The following TRMT11 variants were observed in gnomAD, a reference collection of about 807,000 sequenced individuals.
TRMT11 encodes tRNA (guanine(10)-N(2))-methyltransferase TRMT11.
TRMT11 carries 53 observed loss-of-function variants against 62.8 expected under a neutral mutation model. That is an observed-to-expected ratio of 0.84 (90% CI 0.68 to 1.06). The LOEUF is 1.06. TRMT11 is among the 50% of genes least tolerant of loss of function. The probability of loss-of-function intolerance (pLI) is 0.00; values close to 1 mark genes in which losing one functional copy is unlikely to be tolerated. For synonymous variants in TRMT11, 188 were observed against 190.3 expected (o/e 0.99, Z 0.10); for missense variants, 556 against 553.4 (o/e 1.00, Z -0.05).
intron 21 of TRMT11, among the ~76,000 whole-genome samples, chr6:126,137,079 G>T (rs1777859434): frequency 6.6e-6 from 1 of 151,630 alleles, no homozygotes; most frequent in South Asian, 2.1e-4. Context: ...ACTTAGCAAA[G>T]ATTTTTTTGG....
At chr6:126,102,424 C>G (rs541271406) in intron 17 of TRMT11, among the ~76,000 whole-genome samples, 2 of 151,978 alleles carry the variant, frequency 1.3e-5, no homozygotes, top group Admixed American at 6.5e-5. Context: ...CAGCCTCCTG[C>G]GATGCTGGCC....
chr6:126,254,001 A>C, the TRMT11 span, among the ~76,000 whole-genome samples: 1 of 152,182 alleles, frequency 6.6e-6, no homozygotes, highest in Admixed American at 6.5e-5. Context: ...AAACAGTCTT[A>C]TTACTTTCTA....
chr6:126,263,389 A>G, the TRMT11 span, among the ~76,000 whole-genome samples: 2 of 152,188 alleles, frequency 1.3e-5, no homozygotes, highest in African/African-American at 4.8e-5. Context: ...ATATAAATAT[A>G]TCACTAAACT....
chr6:126,033,083 C>A (rs541647380), intron 12 of TRMT11, among the ~76,000 whole-genome samples: 16 of 152,088 alleles, frequency 1.1e-4, no homozygotes, highest in Non-Finnish European at 2.2e-4. Context: ...AATTATAACA[C>A]CTTCCCTTTA....
intron 17 of TRMT11, among the ~76,000 whole-genome samples, chr6:126,093,681 G>C (rs1364220695): frequency 7.3e-6 from 1 of 137,198 alleles, no homozygotes; most frequent in East Asian, 2.1e-4. Flanking sequence ...TTGCTCAAGA[G>C]CTTAGAAATA....
intron 1 of TRMT11, among the ~76,000 whole-genome samples, chr6:126,182,383 C>T (rs1313604391): frequency 6.6e-6 from 1 of 151,920 alleles, no homozygotes; most frequent in Non-Finnish European, 1.5e-5. Context: ...TTTTTTCCCA[C>T]TTCTTGGTGG....
the TRMT11 span, among the ~76,000 whole-genome samples, chr6:126,245,741 A>G: frequency 1.5e-4 from 23 of 152,186 alleles, 1 homozygote; most frequent in Non-Finnish European, 2.8e-4. Context: ...GTTCCTCTCT[A>G]GAGTTTTAGT....
intron 1 of TRMT11, 53 bp from the exon 2 acceptor site, chr6:125,993,703 AT>A: frequency 8.0e-7 from 1 of 1,256,078 alleles, no homozygotes; most frequent in Non-Finnish European, 1.2e-6. Context: ...CCCTTAGTAC[AT>A]TTTTAGTTCC....
At chr6:126,243,356 C>G in the TRMT11 span, among the ~76,000 whole-genome samples, 1 of 152,104 alleles carries the variant, frequency 6.6e-6, no homozygotes, top group Non-Finnish European at 1.5e-5. Flanking sequence ...ACTAGTTCAA[C>G]CATTGTGGAA....
At chr6:126,151,969 CCTCT>C (rs71024745) in intron 21 of TRMT11, among the ~76,000 whole-genome samples, 12,432 of 79,806 alleles carry the variant, frequency 0.16, 1,875 homozygotes, top group Non-Finnish European at 0.18. Flanking sequence ...TTCTTTCTTT[CCTCT>C]CTCTCTCCCC....
At chr6:126,105,883 C>T (rs1247901242) in intron 17 of TRMT11, among the ~76,000 whole-genome samples, 1 of 152,124 alleles carries the variant, frequency 6.6e-6, no homozygotes, top group Non-Finnish European at 1.5e-5. Flanking sequence ...GAGGCCCTGG[C>T]TCCCAGTACA....
At chr6:126,220,171 A>G in the TRMT11 span, among the ~76,000 whole-genome samples, 1 of 152,222 alleles carries the variant, frequency 6.6e-6, no homozygotes, top group Non-Finnish European at 1.5e-5. Context: ...CACTTGGGAA[A>G]AGCAAGTTGC....
At chr6:125,999,122 A>G (rs1792072018) in intron 6 of TRMT11, among the ~76,000 whole-genome samples, 1 of 152,072 alleles carries the variant, frequency 6.6e-6, no homozygotes, top group Non-Finnish European at 1.5e-5. Flanking sequence ...TAAATGGGTG[A>G]TTGGAAGCTG....
rs149274459 is a variant in TRMT11 at position 126,150,508 on chromosome 6, C to A, written c.*1824-24317C>A. Among the ~76,000 whole-genome samples the A allele has an allele frequency of 7.7e-4, 118 of 152,258 alleles. 2 individuals are homozygous for A. In the East Asian group the frequency reaches 0.022, roughly 29 times the overall value. The stretch of plus-strand genomic sequence containing the variant: ...CCATAAGCATGAGCACCATTTTATT[C>A]ATTACTGGCTTTGTGGTGCCTAGCA... On this transcript the variant is annotated intron_variant and NMD_transcript_variant, in intron 21 of 22. Transcript: ENST00000648977.
intron 21 of TRMT11, among the ~76,000 whole-genome samples, chr6:126,159,443 T>C (rs1383492689): frequency 2.6e-5 from 4 of 152,196 alleles, no homozygotes; most frequent in African/African-American, 9.7e-5. Context: ...AAAGAATCTC[T>C]GAGCTATATT....
intron 17 of TRMT11, among the ~76,000 whole-genome samples, chr6:126,107,661 G>A (rs927558056): frequency 2.0e-5 from 3 of 152,150 alleles, no homozygotes; most frequent in African/African-American, 7.2e-5. Flanking sequence ...GGAATCCTGT[G>A]TGACAATGCT....
At chr6:126,108,079 A>G (rs764502844) in intron 17 of TRMT11, among the ~76,000 whole-genome samples, 1 of 152,202 alleles carries the variant, frequency 6.6e-6, no homozygotes, top group African/African-American at 2.4e-5. Flanking sequence ...CTCATATTCA[A>G]ATATTCTTCC....
At chr6:126,209,111 C>G in the TRMT11 span, among the ~76,000 whole-genome samples, 1 of 151,988 alleles carries the variant, frequency 6.6e-6, no homozygotes. Context: ...TCCTGGAGCA[C>G]TAGAGAAAAA....
the TRMT11 span, among the ~76,000 whole-genome samples, chr6:126,217,607 T>C: frequency 6.6e-6 from 1 of 152,204 alleles, no homozygotes; most frequent in Non-Finnish European, 1.5e-5. Flanking sequence ...AATCTCTTCC[T>C]CTGTGCTGAG....
Sources: allele counts gnomAD v4.1 joint callset (sites outside exome capture counted in the v4.1 genomes callset), GRCh38; gene constraint gnomAD v4.1.1; transcripts MANE v1.5; gene names NCBI Gene and HGNC (gene_info 2026-07-23, HGNC 2026-07-21).